Variants in CHRM3 observed in about 807,000 individuals in gnomAD.
CHRM3 encodes cholinergic receptor muscarinic 3.
A neutral mutation model predicts 41.8 loss-of-function variants in CHRM3; 11 were observed. The ratio of observed to expected loss-of-function variants is 0.26; its 90% CI spans 0.17 to 0.44. The LOEUF is 0.44. Among genes scored for constraint, CHRM3 ranks in the 20% least tolerant of loss-of-function variants. The pLI is 1.00. For synonymous variants in CHRM3, 297 were observed against 301.4 expected, an observed-to-expected ratio of 0.99 and a Z score of 0.15; for missense variants, 571 against 745.4, an observed-to-expected ratio of 0.77 and a Z score of 2.72.
At chr1:239,515,652 GAC>G (rs1399847773) in intron 2 of CHRM3, among the ~76,000 whole-genome samples, 2 of 152,234 alleles carry the variant, frequency 1.3e-5, no homozygotes, top group East Asian at 3.9e-4. Context: ...AATGAGAAGT[GAC>G]AATGCATTTA....
chr1:239,629,097 C>G (rs1393122954), intron 3 of CHRM3: 3 of 124,912 alleles, frequency 2.4e-5, no homozygotes, highest in Admixed American at 8.2e-5. Context: ...GCCCCTCCCC[C>G]AGCCTCGTTG....
chr1:239,500,848 A>C (rs1471385266), intron 2 of CHRM3, among the ~76,000 whole-genome samples: 2 of 152,232 alleles, frequency 1.3e-5, no homozygotes. Flanking sequence ...CAGAATGGAC[A>C]AGAACTCACC....
In CHRM3 at chr1:239,911,254, G is replaced by GA. The variant is rs11295112; in HGVS notation, c.*2041dup. 219 of 154,740 alleles carry GA rather than the reference G, an allele frequency of 1.4e-3. 4 individuals carry two copies. The South Asian group carries it at 0.03, about 21-fold the overall frequency. 9.6% of individuals were successfully genotyped at this position (154,740 alleles called of 1,614,324 possible). A position where few individuals can be genotyped will look rare whatever the true frequency, so the allele number is the denominator to read the frequency against. ...TGTGTCTGAAATCATTTTACACAGG[G>GA]AAAAAAAAAAACAATCAGCATAATT... On this transcript the variant is annotated 3_prime_UTR_variant, in exon 7 of 7. Transcript: ENST00000676153.
At chr1:239,652,832 C>A (rs1184154207) in intron 4 of CHRM3, among the ~76,000 whole-genome samples, 1 of 152,084 alleles carries the variant, frequency 6.6e-6, no homozygotes, top group African/African-American at 2.4e-5. Flanking sequence ...TCGTGAAAAC[C>A]AAACAAAGTG....
intron 5 of CHRM3, among the ~76,000 whole-genome samples, chr1:239,742,540 G>A (rs1027612809): frequency 2.0e-4 from 31 of 152,124 alleles, no homozygotes; most frequent in African/African-American, 6.3e-4. Context: ...AGAGAGTGGA[G>A]GCAGCAGTCC....
At chr1:239,741,826 C>G (rs575746774) in intron 5 of CHRM3, among the ~76,000 whole-genome samples, 22 of 152,242 alleles carry the variant, frequency 1.4e-4, no homozygotes, top group African/African-American at 4.8e-4. Flanking sequence ...ATGAGAGCTG[C>G]GGTGGATTAA....
chr1:239,558,346 T>G (rs981883467), intron 3 of CHRM3, among the ~76,000 whole-genome samples: 56 of 152,212 alleles, frequency 3.7e-4, no homozygotes, highest in Non-Finnish European at 2.1e-4. Flanking sequence ...TAAGTTTGCT[T>G]AAGTTCCTTG....
At chr1:239,879,651 G>A (rs1326232621) in intron 6 of CHRM3, among the ~76,000 whole-genome samples, 6 of 152,164 alleles carry the variant, frequency 3.9e-5, no homozygotes, top group Non-Finnish European at 2.9e-5. Flanking sequence ...GCCTGGCAGC[G>A]CCCAGTGTGC....
intron 2 of CHRM3, among the ~76,000 whole-genome samples, chr1:239,508,694 G>A (rs559520005): frequency 6.6e-6 from 1 of 152,240 alleles, no homozygotes; most frequent in African/African-American, 2.4e-5. Context: ...TTTTGACATG[G>A]TGGGTGTTCA....
intron 5 of CHRM3, among the ~76,000 whole-genome samples, chr1:239,742,924 A>G (rs1365773655): frequency 6.6e-6 from 1 of 152,204 alleles, no homozygotes; most frequent in Non-Finnish European, 1.5e-5. Context: ...GTCGCCATCT[A>G]ATCTTCATCT....
At chr1:239,567,276 A>T (rs1572733130) in intron 3 of CHRM3, among the ~76,000 whole-genome samples, 1 of 150,718 alleles carries the variant, frequency 6.6e-6, no homozygotes, top group African/African-American at 2.4e-5. Flanking sequence ...GTTCAAGTCC[A>T]GTCTGGGCAA....
At chr1:239,703,129 T>A (rs1232820015) in intron 5 of CHRM3, 1 of 152,188 alleles carries the variant, frequency 6.6e-6, no homozygotes, top group Non-Finnish European at 1.5e-5. Context: ...AAGCCATACT[T>A]CTATTCTCCT....
chr1:239,669,573 C>T (rs905188810), intron 4 of CHRM3, among the ~76,000 whole-genome samples: 2 of 151,982 alleles, frequency 1.3e-5, no homozygotes, highest in Admixed American at 6.6e-5. Flanking sequence ...ACGTGTCACC[C>T]AAGTTGATTC....
chr1:239,810,551 A>T (rs642568), intron 5 of CHRM3, among the ~76,000 whole-genome samples: 149,534 of 152,316 alleles, frequency 0.98, 73,454 homozygotes, highest in East Asian at 1. Flanking sequence ...TTTAGGATTC[A>T]AGAATTTCAA....
intron 6 of CHRM3, among the ~76,000 whole-genome samples, chr1:239,858,518 T>A (rs1344506295): frequency 2.1e-5 from 1 of 47,488 alleles, no homozygotes; most frequent in African/African-American, 5.0e-5. Context: ...GTATTTTCAT[T>A]TGGAAAAAAA....
chr1:239,736,112 A>T (rs536589630), intron 5 of CHRM3, among the ~76,000 whole-genome samples: 14 of 152,176 alleles, frequency 9.2e-5, no homozygotes, highest in African/African-American at 3.4e-4. Flanking sequence ...CACTTTCCCT[A>T]TGTGCACATG....
intron 6 of CHRM3, among the ~76,000 whole-genome samples, chr1:239,836,191 A>G (rs558032392): frequency 4.7e-4 from 71 of 152,348 alleles, no homozygotes; most frequent in African/African-American, 1.6e-3. Flanking sequence ...GGAACATTTC[A>G]GAGAACAGCA....
intron 5 of CHRM3, among the ~76,000 whole-genome samples, chr1:239,797,458 G>T (rs1669879458): frequency 6.6e-6 from 1 of 151,720 alleles, no homozygotes; most frequent in Non-Finnish European, 1.5e-5. Flanking sequence ...CAAGGTATTG[G>T]TTTAAAAATA....
chr1:239,401,164 A>G (rs926819616), intron 1 of CHRM3, among the ~76,000 whole-genome samples: 2 of 152,296 alleles, frequency 1.3e-5, no homozygotes, highest in Admixed American at 1.3e-4. Context: ...ACTGATTATC[A>G]AGGGTCAGGC....
Sources: gnomAD v4.1 joint callset for allele counts (sites outside exome capture counted in the v4.1 genomes callset) on GRCh38, gnomAD v4.1.1 for gene constraint, MANE v1.5 for transcripts, NCBI Gene and HGNC (gene_info 2026-07-23, HGNC 2026-07-21) for gene names.